RGS9: variants seen among roughly 807,000 people sequenced by gnomAD.
RGS9 encodes the protein regulator of G protein signaling 9.
RGS9 carries 78 observed loss-of-function variants against 102.0 expected under a neutral mutation model. The observed-to-expected ratio is 0.76, with a 90% CI of 0.64 to 0.92. The LOEUF (loss-of-function observed/expected upper bound fraction) is 0.92. Ranked by LOEUF, RGS9 falls within the 40% of genes least tolerant of loss-of-function variation. RGS9 has a pLI of 0.00. For missense variants in RGS9, 833 were observed against 866.1 expected, an observed-to-expected ratio of 0.96 and a Z score of 0.48; for synonymous variants, 353 against 318.6, an observed-to-expected ratio of 1.11 and a Z score of -1.15.
intron 10 of RGS9, 82 bp downstream of exon 10, chr17:65,189,397 T>G (rs1912272010): frequency 9.1e-7 from 1 of 1,096,130 alleles, no homozygotes; most frequent in Non-Finnish European, 1.4e-6. Context: ...CCTCTGCGCT[T>G]GGTAATGAAA....
chr17:65,197,243 T>G lies in RGS9; in HGVS notation c.976+2T>G. On this transcript the variant is annotated splice_donor_variant, in intron 13 of 18. Coordinates refer to ENST00000262406, the MANE Select transcript of RGS9 (RefSeq NM_003835.4). LOFTEE classifies it high-confidence loss of function. Reference sequence around the variant, plus strand: ...ACTTCCTCAAGAAAGAATTCAGTGGTGGGTCTTTGTTTACAAAAAAAAATT... The same window carrying G: ...ACTTCCTCAAGAAAGAATTCAGTGGGGGGTCTTTGTTTACAAAAAAAAATT... 1 of 1,577,922 alleles carries G rather than the reference T, an allele frequency of 6.3e-7. No individual in the cohort carries two copies.
intron 12 of RGS9, 95 bp from the exon 13 acceptor site, chr17:65,197,031 C>T: frequency 1.3e-6 from 1 of 772,750 alleles, no homozygotes; most frequent in Non-Finnish European, 2.3e-6. Context: ...TTGAATTGAG[C>T]CCTGGGCCAT....
rs1912872611 is a variant in RGS9 at position 65,202,130 on chromosome 17, C to A, written c.1064+50C>A. On this transcript the variant is annotated intron_variant, in intron 14 of 18. Transcript: ENST00000262406. ...AAGCCTTCCCTTGGGCCTCTGAGGA[C>A]CACCCCATTGTGCTTGAGGTGAAGA... 4.7e-6 allele frequency: 6 copies of A among 1,283,042 alleles called. No individual in the cohort carries two copies. In the East Asian group the frequency reaches 1.4e-4, roughly 30 times the overall value. The allele number at this position is 1,283,042 out of a possible 1,614,324, so 79.5% of individuals were successfully genotyped here. A position where few individuals can be genotyped will look rare whatever the true frequency, so the allele number is the denominator to read the frequency against.
At chr17:65,201,838 C>A (rs922979283) in intron 13 of RGS9, among the ~76,000 whole-genome samples, 155 bp from the exon 14 acceptor site, 3 of 152,196 alleles carry the variant, frequency 2.0e-5, no homozygotes, top group African/African-American at 7.2e-5. Flanking sequence ...TGTCTAGCAT[C>A]ACAATGTGCA....
intron 17 of RGS9, among the ~76,000 whole-genome samples, chr17:65,224,782 G>T (rs992211310): frequency 6.6e-6 from 1 of 152,178 alleles, no homozygotes; most frequent in Non-Finnish European, 1.5e-5. Flanking sequence ...CTGTGACCAG[G>T]GCTGGGCGAC....
At chr17:65,183,178 A>T (rs900213785) in intron 9 of RGS9, among the ~76,000 whole-genome samples, 1 of 152,126 alleles carries the variant, frequency 6.6e-6, no homozygotes, top group Non-Finnish European at 1.5e-5. Flanking sequence ...GCATGAGTGC[A>T]GTGGCACAAT....
chr17:65,154,695 G>A (rs1322761102), intron 2 of RGS9, among the ~76,000 whole-genome samples: 4 of 152,146 alleles, frequency 2.6e-5, no homozygotes, highest in Non-Finnish European at 5.9e-5. Flanking sequence ...TGGCAAGAAG[G>A]GCTGGACGCC....
chr17:65,218,200 C>A (rs1913581825), intron 17 of RGS9, among the ~76,000 whole-genome samples: 1 of 152,186 alleles, frequency 6.6e-6, no homozygotes, highest in South Asian at 2.1e-4. Context: ...AGCCAAGCAG[C>A]CATTCAGGAA....
intron 1 of RGS9, among the ~76,000 whole-genome samples, chr17:65,143,076 A>G (rs1373406742): frequency 6.6e-6 from 1 of 152,002 alleles, no homozygotes; most frequent in East Asian, 1.9e-4. Context: ...CTCTTTTTGA[A>G]AAGTTTTCCA....
At chr17:65,215,548 T>TTTC (rs67924068) in intron 17 of RGS9, among the ~76,000 whole-genome samples, 16 of 78,218 alleles carry the variant, frequency 2.0e-4, no homozygotes, top group Non-Finnish European at 2.2e-4. Flanking sequence ...TTCTTTCTTT[T>TTTC]TTTTTGTTTT....
chr17:65,160,095 C>G, intron 3 of RGS9, 138 bp from the exon 4 acceptor site: 1 of 766,624 alleles, frequency 1.3e-6, no homozygotes, highest in Admixed American at 1.8e-5. Context: ...GTTCAGCAAC[C>G]AGTGTCCTCA....
At chr17:65,158,599 GA>G (rs1446017062) in intron 3 of RGS9, 1 of 573,400 alleles carries the variant, frequency 1.7e-6, no homozygotes, top group African/African-American at 1.9e-5. Flanking sequence ...GAAAGTCCTG[GA>G]GGGGGTGCTG....
intron 17 of RGS9, among the ~76,000 whole-genome samples, chr17:65,221,835 A>T (rs1913715308): frequency 6.6e-6 from 1 of 152,134 alleles, no homozygotes; most frequent in Non-Finnish European, 1.5e-5. Context: ...CCTGGGGTCT[A>T]TTTCATAAGG....
rs1373315528 is a variant in RGS9 at position 65,210,597 on chromosome 17, A to T, written c.1399A>T (p.Ile467Phe). 1.2e-6 allele frequency: 2 copies of T among 1,613,866 alleles called. No homozygotes were observed. The highest frequency in any genetic ancestry group is 2.7e-5 in the African/African-American group (2 of 74,928). Residue 467 changes from isoleucine to phenylalanine, a missense_variant, in exon 17 of 19, where the codon ATC becomes TTC. Transcript: ENST00000262406. ...CCGAGAAGCAGCCAACACTGTGGAC[A>T]TCACCCAGGTCATGAGCAAGCTGGA... The part of the protein sequence containing the change: ...KAREAANTVD[I>F]TQPGQHMAPS...
chr17:65,201,821 G>T (rs967295446), intron 13 of RGS9, among the ~76,000 whole-genome samples, 172 bp from the exon 14 acceptor site: 3 of 152,216 alleles, frequency 2.0e-5, no homozygotes, highest in African/African-American at 7.2e-5. Context: ...TCCCCAAGGA[G>T]TATTGTTGTC....
At chr17:65,213,409 T>C (rs1021770148) in intron 17 of RGS9, among the ~76,000 whole-genome samples, 1 of 152,168 alleles carries the variant, frequency 6.6e-6, no homozygotes, top group African/African-American at 2.4e-5. Flanking sequence ...CCTACTTTTA[T>C]GGGAACATTT....
intron 17 of RGS9, among the ~76,000 whole-genome samples, chr17:65,210,958 C>T (rs1345067147): frequency 6.6e-6 from 1 of 151,928 alleles, no homozygotes. Flanking sequence ...GAACTATGAA[C>T]TTTTTCAGTA....
At chr17:65,152,968 G>C (rs1204164629) in intron 1 of RGS9, among the ~76,000 whole-genome samples, 2 of 152,190 alleles carry the variant, frequency 1.3e-5, no homozygotes, top group Non-Finnish European at 2.9e-5. Flanking sequence ...TCTAGGAACA[G>C]TCACTGGAAT....
At chr17:65,142,644 G>A (rs556230067) in intron 1 of RGS9, among the ~76,000 whole-genome samples, 4 of 150,266 alleles carry the variant, frequency 2.7e-5, no homozygotes, top group East Asian at 4.0e-4. Flanking sequence ...GTACAGTGGC[G>A]AGATCTCGGC....
Sources: gnomAD v4.1 joint callset for allele counts (sites outside exome capture counted in the v4.1 genomes callset) on GRCh38, gnomAD v4.1.1 for gene constraint, MANE v1.5 for transcripts, NCBI Gene and HGNC (gene_info 2026-07-23, HGNC 2026-07-21) for gene names.